Variants in BTG4 observed in about 807,000 individuals in gnomAD.
BTG4 encodes BTG anti-proliferation factor 4, also known as protein BTG4.
In BTG4, 10 loss-of-function variants were observed where a neutral mutation model predicts 19.3. The observed-to-expected ratio is 0.52, with a 90% CI of 0.32 to 0.88. BTG4 has a LOEUF of 0.88. Ranked by LOEUF, BTG4 falls within the 40% of genes least tolerant of loss-of-function variation. The pLI is 0.04. For synonymous variants in BTG4, 91 were observed against 95.7 expected (o/e 0.95, Z 0.29); for missense variants, 238 against 281.9 (o/e 0.84, Z 1.11).
chr11:111,482,704 C>T (rs914235268), intron 5 of BTG4, among the ~76,000 whole-genome samples: 4 of 152,122 alleles, frequency 2.6e-5, no homozygotes, highest in Admixed American at 2.6e-4. Flanking sequence ...ATAGTCTTTT[C>T]ATTTTAACAA....
the BTG4 span, among the ~76,000 whole-genome samples, chr11:111,443,719 T>C: frequency 6.6e-6 from 1 of 152,152 alleles, no homozygotes; most frequent in Admixed American, 6.5e-5. Flanking sequence ...GCCAGGGTCC[T>C]GAGAGAAGGC....
At chr11:111,446,441 T>A in the BTG4 span, among the ~76,000 whole-genome samples, 4 of 152,106 alleles carry the variant, frequency 2.6e-5, no homozygotes, top group Admixed American at 2.6e-4. Flanking sequence ...CACTGAGAGC[T>A]TCTTAGAAAG....
the BTG4 span, among the ~76,000 whole-genome samples, chr11:111,441,411 A>G: frequency 3.3e-5 from 5 of 151,868 alleles, no homozygotes; most frequent in African/African-American, 1.2e-4. Context: ...TGAGCACCAG[A>G]GTCAAGGGAG....
the BTG4 span, among the ~76,000 whole-genome samples, chr11:111,403,676 T>C: frequency 6.6e-6 from 1 of 152,190 alleles, no homozygotes; most frequent in African/African-American, 2.4e-5. Context: ...ATTAAGCCAC[T>C]CTCACTCAAA....
intron 5 of BTG4, among the ~76,000 whole-genome samples, chr11:111,478,754 G>T (rs12292164): frequency 4.6e-5 from 7 of 151,860 alleles, no homozygotes; most frequent in Non-Finnish European, 1.0e-4. Context: ...ACAGTAAAAC[G>T]GAAGAGATAG....
downstream of BTG4, among the ~76,000 whole-genome samples, chr11:111,493,511 T>C (rs1163148063): frequency 2.0e-5 from 3 of 152,204 alleles, no homozygotes; most frequent in Admixed American, 1.3e-4. Context: ...CTTACACCCA[T>C]TGCTGGTAGT....
At chr11:111,495,646 G>A (rs1329802878) in intron 4 of BTG4, among the ~76,000 whole-genome samples, 2 of 152,146 alleles carry the variant, frequency 1.3e-5, no homozygotes, top group Non-Finnish European at 2.9e-5. Context: ...TGGGGCCACA[G>A]CCTAGAAATC....
At chr11:111,508,366 C>CT (rs5794754) in intron 1 of BTG4, among the ~76,000 whole-genome samples, 74,813 of 146,238 alleles carry the variant, frequency 0.51, 21,348 homozygotes, top group South Asian at 0.72. Context: ...ACTCCCTGGG[C>CT]TTTTTTTTTT....
the BTG4 span, among the ~76,000 whole-genome samples, chr11:111,425,365 G>C: frequency 6.6e-6 from 1 of 152,018 alleles, no homozygotes; most frequent in African/African-American, 2.4e-5. Flanking sequence ...CAGGAGCCCT[G>C]GCCTCATGGA....
chr11:111,427,973 G>T, the BTG4 span, among the ~76,000 whole-genome samples: 1 of 152,140 alleles, frequency 6.6e-6, no homozygotes, highest in Non-Finnish European at 1.5e-5. Flanking sequence ...GCAGCCCAAG[G>T]CGGTGGCATT....
chr11:111,512,987 C>T (rs1867059456), upstream of BTG4: 1 of 470,328 alleles, frequency 2.1e-6, no homozygotes, highest in East Asian at 6.9e-5. Flanking sequence ...GTGGTGGTTA[C>T]AATCACTAAC....
the BTG4 span, among the ~76,000 whole-genome samples, chr11:111,437,524 A>G: frequency 9.9e-5 from 15 of 152,214 alleles, no homozygotes; most frequent in African/African-American, 2.4e-4. Flanking sequence ...GCTGTGCTCA[A>G]CTTGAGGACT....
chr11:111,390,140 T>G, the BTG4 span, among the ~76,000 whole-genome samples: 2 of 152,208 alleles, frequency 1.3e-5, no homozygotes, highest in Non-Finnish European at 2.9e-5. Context: ...CCATAGCTTA[T>G]AATCACCACA....
the BTG4 span, among the ~76,000 whole-genome samples, chr11:111,408,402 G>A: frequency 0.21 from 32,529 of 152,094 alleles, 3,675 homozygotes; most frequent in East Asian, 0.27. Flanking sequence ...GAGGCTGCTC[G>A]GGAATGAGTG....
chr11:111,495,174 G>C lies in BTG4; in HGVS notation c.651C>G (p.His217Gln). The change falls in exon 5 of 5, where the codon CAC (histidine) becomes CAG (glutamine). Residue 217 changes from histidine to glutamine, a missense_variant. Physicochemically the swap from His to Gln is conservative, Grantham distance 24 (BLOSUM62 0). Transcript: ENST00000692032. ...TGACCCAGTGGTACCTGTCCAGCCG[G>C]TGCATAGCAGGCCTGTAACACTTAG... is the stretch of plus-strand genomic sequence containing the variant. ...KHPKCYRPAM[H>Q]RLDRYHWVNT... 1 of 1,598,070 alleles carries C rather than the reference G, an allele frequency of 6.3e-7. No individual in the cohort carries two copies. Among genetic ancestry groups the C allele is most frequent in the Non-Finnish European group, 8.5e-7 (1 of 1,173,720 alleles).
chr11:111,407,357 G>A, the BTG4 span, among the ~76,000 whole-genome samples: 1 of 152,130 alleles, frequency 6.6e-6, no homozygotes, highest in East Asian at 1.9e-4. Context: ...AGGCAGGTTA[G>A]AGAAAGATGT....
chr11:111,430,009 T>C, the BTG4 span, among the ~76,000 whole-genome samples: 1 of 152,228 alleles, frequency 6.6e-6, no homozygotes, highest in Non-Finnish European at 1.5e-5. Context: ...CAGGCCTCAG[T>C]GAGCTCTTTC....
At chr11:111,401,545 T>C in the BTG4 span, among the ~76,000 whole-genome samples, 7 of 152,152 alleles carry the variant, frequency 4.6e-5, no homozygotes, top group Admixed American at 1.3e-4. Flanking sequence ...CTGTGCTTTA[T>C]TTTTGCATCC....
chr11:111,506,406 C>T (rs1030138084), intron 1 of BTG4, among the ~76,000 whole-genome samples: 5 of 152,042 alleles, frequency 3.3e-5, no homozygotes, highest in Non-Finnish European at 2.9e-5. Flanking sequence ...TACGTATTCT[C>T]ACTTGTAAGT....
Sources: allele counts gnomAD v4.1 joint callset (sites outside exome capture counted in the v4.1 genomes callset), GRCh38; gene constraint gnomAD v4.1.1; transcripts MANE v1.5; gene names NCBI Gene and HGNC (gene_info 2026-07-23, HGNC 2026-07-21).